The following RABL6 variants were observed in gnomAD, a reference collection of about 807,000 sequenced individuals.
RABL6 encodes rab-like protein 6.
A neutral mutation model predicts 72.9 loss-of-function variants in RABL6; 28 were observed. The ratio of observed to expected loss-of-function variants is 0.38; its 90% CI spans 0.28 to 0.53. RABL6 has a LOEUF of 0.53. Among genes scored for constraint, RABL6 ranks in the 20% least tolerant of loss-of-function variants. RABL6 has a pLI of 0.80. For synonymous variants in RABL6, 477 were observed against 421.2 expected (o/e 1.13, Z -1.62); for missense variants, 1,029 against 1,008.4 (o/e 1.02, Z -0.28).
chr9:136,829,545 C>T (rs900954173), intron 5 of RABL6, 61 bp downstream of exon 5: 6 of 1,415,930 alleles, frequency 4.2e-6, no homozygotes, highest in Non-Finnish European at 5.9e-6. Context: ...CCCTTGGGCG[C>T]CCTCTTTGTG....
intron 5 of RABL6, 126 bp from the exon 6 acceptor site, chr9:136,831,595 T>C: frequency 7.2e-6 from 10 of 1,381,760 alleles, no homozygotes; most frequent in Non-Finnish European, 9.0e-6. Context: ...GGCATGCTTC[T>C]GCTGGGTTGG....
At position 136,840,544 on chromosome 9, in the gene RABL6, C is replaced by T. The variant is rs1298194215; in HGVS notation, c.*22C>T. 2 of 1,545,500 alleles carry T rather than the reference C, an allele frequency of 1.3e-6. No individual in the cohort carries two copies. The highest frequency in any genetic ancestry group is 8.7e-7 in the Non-Finnish European group (1 of 1,145,642). On this transcript the variant is annotated 3_prime_UTR_variant, in exon 15 of 15. Coordinates refer to ENST00000311502, the MANE Select transcript of RABL6 (RefSeq NM_024718.5). ...CTAGGCCGGCGTGGGCAGTGGCCGC[C>T]CTGGGGCGGGGGGCGTGCCTGTCAC...
chr9:136,825,939 TGCCCA>T, intron 3 of RABL6, 113 bp downstream of exon 3: 2 of 1,287,154 alleles, frequency 1.6e-6, no homozygotes, highest in Non-Finnish European at 2.2e-6. Context: ...TCGTGGACGG[TGCCCA>T]GGGTCTTGCT....
At chr9:136,828,841 G>A (rs1370663394) in intron 4 of RABL6, among the ~76,000 whole-genome samples, 4 of 143,728 alleles carry the variant, frequency 2.8e-5, no homozygotes, top group Admixed American at 1.4e-4. Flanking sequence ...CGGTGGGCTC[G>A]GCCCTTCAAA....
Position 136,829,486 on chromosome 9 carries a change from T to TA in RABL6, c.458+4dup. The TA allele has an allele frequency of 6.3e-7, 1 of 1,577,412 alleles. No individual in the cohort carries two copies. Among genetic ancestry groups the TA allele is most frequent in the East Asian group, 2.3e-5 (1 of 42,950 alleles). Reference sequence around the variant, plus strand: ...GATGTTCGACATTACCAAGCAGTGGTAAGAGGGAGCTGGCGGGGGCAGCTG... The same window carrying TA: ...GATGTTCGACATTACCAAGCAGTGGTAAAGAGGGAGCTGGCGGGGGCAGCTG... On this transcript the variant is annotated splice_region_variant and intron_variant, in intron 5 of 14. Coordinates refer to ENST00000311502, the MANE Select transcript of RABL6 (RefSeq NM_024718.5).
At chr9:136,813,423 A>T in intron 1 of RABL6, 1 of 752,336 alleles carries the variant, frequency 1.3e-6, no homozygotes, top group Admixed American at 2.4e-5. Flanking sequence ...TCACCCCTCC[A>T]AGTGGTCTCT....
In RABL6 at chr9:136,837,963, G is replaced by T; in HGVS notation, c.1228G>T (p.Ala410Ser). The change falls in exon 10 of 15, where the codon GCC becomes TCC. Residue 410 changes from alanine to serine, a missense_variant. Physicochemically the swap from Ala to Ser is moderately conservative, Grantham distance 99. This residue lies in a region of RABL6 where 595 missense variants were observed against 472.4 expected (regional missense o/e 1.26). Transcript: ENST00000311502. The part of the protein sequence containing the change: ...DRSFLEDTTP[A>S]RDEKKVGAKA... Reference sequence around the variant, plus strand: ...CAGCTTCCTGGAAGACACAACCCCCGCCAGGGACGAGAAGAAGGTGGGGGC... The same window carrying T: ...CAGCTTCCTGGAAGACACAACCCCCTCCAGGGACGAGAAGAAGGTGGGGGC... 4 of 1,568,508 alleles carry T rather than the reference G, an allele frequency of 2.6e-6. No individual in the cohort carries two copies. Among genetic ancestry groups the T allele is most frequent in the Non-Finnish European group, 3.5e-6 (4 of 1,157,586 alleles).
intron 1 of RABL6, among the ~76,000 whole-genome samples, chr9:136,818,609 G>C (rs887153872): frequency 3.9e-5 from 6 of 151,928 alleles, no homozygotes; most frequent in Non-Finnish European, 8.8e-5. Context: ...GCCAGGCATG[G>C]TGGTGCGTAC....
intron 13 of RABL6, 44 bp from the exon 14 acceptor site, chr9:136,840,110 C>T: frequency 6.2e-7 from 1 of 1,612,142 alleles, no homozygotes; most frequent in Non-Finnish European, 8.5e-7. Flanking sequence ...GCTTGGGGTC[C>T]CCGTTGGCCT....
intron 1 of RABL6, chr9:136,814,098 A>G (rs1848068615): frequency 5.8e-6 from 2 of 343,722 alleles, no homozygotes; most frequent in Admixed American, 7.6e-5. Flanking sequence ...CAGCAGCTTG[A>G]AAATCCACAT....
intron 1 of RABL6, chr9:136,822,030 G>A: frequency 7.8e-7 from 1 of 1,289,744 alleles, no homozygotes; most frequent in Non-Finnish European, 1.0e-6. Flanking sequence ...ACAAGCTTCA[G>A]GGGAGAAGAA....
intron 3 of RABL6, 23 bp downstream of exon 3, chr9:136,825,849 C>T (rs1848343851): frequency 6.2e-7 from 1 of 1,601,742 alleles, no homozygotes; most frequent in African/African-American, 1.3e-5. Flanking sequence ...TGTTCTGTGT[C>T]TGCTTCTCTC....
chr9:136,823,527 AAGAT>A lies in RABL6; in HGVS notation c.136_139del (p.Ile46Ter). 6.2e-7 allele frequency: 1 copy of A among 1,613,676 alleles called. No individual in the cohort carries two copies. Among genetic ancestry groups the A allele is most frequent in the Non-Finnish European group, 8.5e-7 (1 of 1,179,836 alleles). ...TCTTTTTCTCTTCCCGTCCCCAGTG[AAGAT>A]AGTGATCCGGGGAGACAGGAACACG... is the stretch of plus-strand genomic sequence containing the variant. On this transcript the variant is annotated frameshift_variant, in exon 2 of 15. Coordinates refer to ENST00000311502, the MANE Select transcript of RABL6 (RefSeq NM_024718.5). LOFTEE classifies it high-confidence loss of function.
rs1174856889 is a variant in RABL6 at position 136,808,166 on chromosome 9, C to T, written c.-31C>T. On this transcript the variant is annotated 5_prime_UTR_variant, in exon 1 of 15. Coordinates refer to ENST00000311502, the MANE Select transcript of RABL6 (RefSeq NM_024718.5). ...CCCCGCCGCCGCTGAGCTCGCCGGC[C>T]GCGCCCGGGCTGGGACGTCCGAGCG... 5 of 1,479,122 alleles carry T rather than the reference C, an allele frequency of 3.4e-6. No homozygotes were observed. The highest frequency in any genetic ancestry group is 9.0e-7 in the Non-Finnish European group (1 of 1,112,192). The allele number at this position is 1,479,122 out of a possible 1,614,324, so 91.6% of individuals were successfully genotyped here. A position where few individuals can be genotyped will look rare whatever the true frequency, so the allele number is the denominator to read the frequency against.
chr9:136,829,378 C>G lies in RABL6; in HGVS notation c.367-15C>G. ...AGCCTGGGCCAGTCTCACACCTGTT[C>G]CCTCCTGTCCCCAGGCGGAGTCTGA... On this transcript the variant is annotated splice_polypyrimidine_tract_variant and intron_variant, in intron 4 of 14. Transcript: ENST00000311502. 1 of 1,555,730 alleles carries G rather than the reference C, an allele frequency of 6.4e-7. No homozygotes were observed. Among genetic ancestry groups the G allele is most frequent in the Non-Finnish European group, 8.7e-7 (1 of 1,148,632 alleles).
chr9:136,832,218 C>T (rs762001937), intron 6 of RABL6, 47 bp from the exon 7 acceptor site: 8 of 1,544,274 alleles, frequency 5.2e-6, no homozygotes, highest in Non-Finnish European at 7.2e-6. Flanking sequence ...TCCTTGGCAC[C>T]AGGGCAAGGG....
chr9:136,840,117 G>A, intron 13 of RABL6, 37 bp from the exon 14 acceptor site: 1 of 1,612,800 alleles, frequency 6.2e-7, no homozygotes, highest in Non-Finnish European at 8.5e-7. Flanking sequence ...GTCCCCGTTG[G>A]CCTGAGTTTG....
chr9:136,831,898 C>G, intron 6 of RABL6, 37 bp downstream of exon 6: 1 of 1,576,852 alleles, frequency 6.3e-7, no homozygotes, highest in Middle Eastern at 1.9e-4. Context: ...GGACCCTGCC[C>G]GGTGCTCCGG....
At chr9:136,814,750 TA>T (rs762218422) in intron 1 of RABL6, 3,826 of 141,248 alleles carry the variant, frequency 0.027, 93 homozygotes, top group African/African-American at 0.07. Flanking sequence ...GACCCTGTCT[TA>T]AAAAAAAAAA....
Sources: allele counts gnomAD v4.1 joint callset (sites outside exome capture counted in the v4.1 genomes callset), GRCh38; gene constraint gnomAD v4.1.1; regional missense constraint gnomAD v4.1.1; transcripts MANE v1.5; gene names NCBI Gene and HGNC (gene_info 2026-07-23, HGNC 2026-07-21).